NPTN: variants seen among roughly 807,000 people sequenced by gnomAD.
The protein encoded by NPTN is neuroplastin.
NPTN carries 5 observed loss-of-function variants against 42.7 expected under a neutral mutation model. The observed-to-expected ratio is 0.12, with a 90% CI of 0.06 to 0.25. NPTN has a LOEUF of 0.25. NPTN is among the 10% of genes least tolerant of loss of function. NPTN has a pLI of 1.00. For synonymous variants in NPTN, 180 were observed against 201.9 expected (o/e 0.89, Z 0.92); for missense variants, 307 against 525.4 (o/e 0.58, Z 4.06).
At chr15:73,574,363 C>T (rs1171290093) in intron 4 of NPTN, among the ~76,000 whole-genome samples, 1 of 152,098 alleles carries the variant, frequency 6.6e-6, no homozygotes, top group East Asian at 1.9e-4. Context: ...CTGGTCTTCA[C>T]AAGGAGGAAG....
At chr15:73,582,917 C>G (rs1896124753) in intron 4 of NPTN, among the ~76,000 whole-genome samples, 1 of 152,216 alleles carries the variant, frequency 6.6e-6, no homozygotes, top group Non-Finnish European at 1.5e-5. Flanking sequence ...ACTCCAAGTT[C>G]TTCAGTTTTG....
chr15:73,624,998 CATA>C (rs1390830656), intron 1 of NPTN, among the ~76,000 whole-genome samples: 1 of 152,150 alleles, frequency 6.6e-6, no homozygotes, highest in Non-Finnish European at 1.5e-5. Flanking sequence ...TTTCTTTACT[CATA>C]ATGACTAATA....
Position 73,621,643 on chromosome 15 carries a change from T to C in NPTN, c.91+11482A>G, listed in dbSNP as rs537423319. 3.9e-5 allele frequency among the ~76,000 whole-genome samples: 6 copies of C among 152,322 alleles called. No individual in the cohort carries two copies. The East Asian group carries it at 1.2e-3, about 29-fold the overall frequency. ...ATTACAGGGCTACTGCCAAATCCAG[T>C]GTTCTTTCTACTTAACTTCATTACC... On this transcript the variant is annotated intron_variant, in intron 1 of 8. Coordinates refer to ENST00000345330, the MANE Select transcript of NPTN (RefSeq NM_012428.4).
chr15:73,628,318 C>T (rs944596582), intron 1 of NPTN, among the ~76,000 whole-genome samples: 4 of 152,188 alleles, frequency 2.6e-5, no homozygotes, highest in Non-Finnish European at 4.4e-5. Context: ...TCTCCTTGTA[C>T]TACTGCAGCC....
intron 1 of NPTN, among the ~76,000 whole-genome samples, chr15:73,617,890 T>C (rs1897938074): frequency 6.6e-6 from 1 of 152,234 alleles, no homozygotes; most frequent in African/African-American, 2.4e-5. Context: ...TGGTGTTTTT[T>C]TCTCCCTTTA....
Position 73,570,488 on chromosome 15 carries a change from G to T in NPTN, c.841-65C>A. On this transcript the variant is annotated intron_variant, in intron 5 of 8. Transcript: ENST00000345330. This position sits in a 1 kb window ranked among gnomAD's most constrained non-coding sequence, Gnocchi z 4.0. ...ACTGAGCTAATGTTCAAGAGAGGGT[G>T]ACACTGCTCTCCGTTCTTTTTAGGC... The T allele has an allele frequency of 6.8e-7, 1 of 1,463,548 alleles. No individual in the cohort carries two copies. The highest frequency in any genetic ancestry group is 9.4e-7 in the Non-Finnish European group (1 of 1,063,974). 90.7% of individuals were successfully genotyped at this position (1,463,548 alleles called of 1,614,324 possible).
intron 1 of NPTN, among the ~76,000 whole-genome samples, chr15:73,631,123 AACT>A (rs1898714834): frequency 6.6e-6 from 1 of 152,230 alleles, no homozygotes; most frequent in African/African-American, 2.4e-5. Flanking sequence ...GTTGCTAAGA[AACT>A]ACAATTTTAC....
chr15:73,577,397 C>T (rs968602180), intron 4 of NPTN, among the ~76,000 whole-genome samples: 1 of 152,174 alleles, frequency 6.6e-6, no homozygotes, highest in South Asian at 2.1e-4. Flanking sequence ...GAGACTGAAA[C>T]CGTCTTTGCA....
At chr15:73,624,785 A>G (rs1898313812) in intron 1 of NPTN, among the ~76,000 whole-genome samples, 1 of 152,212 alleles carries the variant, frequency 6.6e-6, no homozygotes, top group African/African-American at 2.4e-5. Context: ...TAGAATAAAC[A>G]TTAGTACTCC....
In NPTN at chr15:73,633,362, C is replaced by A. The variant is rs915700266; in HGVS notation, c.-147G>T. The A allele has an allele frequency of 1.9e-6, 1 of 533,488 alleles. No individual in the cohort carries two copies. Among genetic ancestry groups the A allele is most frequent in the Non-Finnish European group, 3.1e-6 (1 of 325,764 alleles). The allele number at this position is 533,488 out of a possible 1,614,324, so 33.0% of individuals were successfully genotyped here. A position where few individuals can be genotyped will look rare whatever the true frequency, so the allele number is the denominator to read the frequency against. ...GCTCGGCTCCGTCCTTCCCCGTCCT[C>A]CTCCTGCCGCCGCAGCGCCCAGGCC... On this transcript the variant is annotated 5_prime_UTR_variant, in exon 1 of 9. Transcript: ENST00000345330.
chr15:73,591,996 G>C lies in NPTN; in HGVS notation c.581C>G (p.Thr194Ser). The C allele has an allele frequency of 6.2e-7, 1 of 1,613,628 alleles. No individual in the cohort carries two copies. Among genetic ancestry groups the C allele is most frequent in the Non-Finnish European group, 8.5e-7 (1 of 1,179,694 alleles). ...CTCCATGTTGCTGGCATTCTTACGA[G>C]TGGCACTCAGTTCCACCCCATTCTT... ...WTKNGVELSA[T>S]RKNASNMEYR... The change falls in exon 3 of 9, where the codon ACT becomes AGT. Residue 194 changes from threonine (T) to serine (S), a missense_variant. Thr to Ser is a moderately conservative substitution (Grantham distance 58). Coordinates refer to ENST00000345330, the MANE Select transcript of NPTN (RefSeq NM_012428.4).
intron 5 of NPTN, among the ~76,000 whole-genome samples, chr15:73,571,470 G>A (rs1029339134): frequency 2.0e-5 from 3 of 152,178 alleles, no homozygotes; most frequent in East Asian, 1.9e-4. Flanking sequence ...CCAACAGAGC[G>A]TGTGTATAGA....
At chr15:73,584,167 G>A (rs1566968467) in intron 4 of NPTN, among the ~76,000 whole-genome samples, 1 of 152,138 alleles carries the variant, frequency 6.6e-6, no homozygotes, top group Non-Finnish European at 1.5e-5. Flanking sequence ...TTCTGGGCTG[G>A]GAAGTGCCTC....
chr15:73,580,056 C>T (rs1895908362), intron 4 of NPTN, among the ~76,000 whole-genome samples: 2 of 151,918 alleles, frequency 1.3e-5, no homozygotes, highest in Non-Finnish European at 2.9e-5. Flanking sequence ...AGACATTACC[C>T]CACTTTTTAA....
chr15:73,582,069 G>A (rs1452556307), intron 4 of NPTN, among the ~76,000 whole-genome samples: 3 of 152,114 alleles, frequency 2.0e-5, no homozygotes, highest in East Asian at 3.9e-4. Context: ...TTGAACTCCC[G>A]ACCTTGTGAT....
At chr15:73,612,768 C>A (rs1288210925) in intron 1 of NPTN, among the ~76,000 whole-genome samples, 1 of 151,930 alleles carries the variant, frequency 6.6e-6, no homozygotes, top group Non-Finnish European at 1.5e-5. Context: ...GACTCTGTCT[C>A]AAAAATAAAT....
chr15:73,592,247 G>T, intron 2 of NPTN, 110 bp from the exon 3 acceptor site: 2 of 825,192 alleles, frequency 2.4e-6, no homozygotes, highest in Non-Finnish European at 3.7e-6. Context: ...AGGGAGGGCA[G>T]ACAGGACCAC....
intron 7 of NPTN, among the ~76,000 whole-genome samples, chr15:73,562,183 A>T (rs1307836924): frequency 6.6e-6 from 1 of 152,118 alleles, no homozygotes; most frequent in Non-Finnish European, 1.5e-5. Flanking sequence ...AATGTTTCAG[A>T]TTTTGAATTT....
At position 73,569,952 on chromosome 15, in the gene NPTN, A is replaced by AAAAAAT; in HGVS notation, c.1114+192_1114+197dup. The AAAAAAT allele has an allele frequency of 2.5e-6, 1 of 404,810 alleles. No homozygotes were observed. Among genetic ancestry groups the AAAAAAT allele is most frequent in the Non-Finnish European group, 3.3e-6 (1 of 299,552 alleles). The allele number at this position is 404,810 out of a possible 1,614,324, so 25.1% of individuals were successfully genotyped here. ...GGACAGCTCTAGATGGCTAATGCAA[A>AAAAAAT]AAAAATAAAAATAAAATAAAAATAA... is the stretch of plus-strand genomic sequence containing the variant. On this transcript the variant is annotated intron_variant, in intron 6 of 8. Transcript: ENST00000345330. The surrounding 1 kb of genome is among the most constrained non-coding windows in gnomAD (Gnocchi z 4.1).
Sources: allele counts gnomAD v4.1 joint callset (sites outside exome capture counted in the v4.1 genomes callset), GRCh38; gene constraint gnomAD v4.1.1; non-coding constraint Gnocchi (gnomAD v3.1); transcripts MANE v1.5; gene names NCBI Gene and HGNC (gene_info 2026-07-23, HGNC 2026-07-21).